STXBP5L: variants seen among roughly 807,000 people sequenced by gnomAD.
STXBP5L encodes syntaxin binding protein 5L, also known as syntaxin-binding protein 5-like.
Under a neutral mutation model 144.5 loss-of-function variants are expected in STXBP5L, and 65 were observed. That is an observed-to-expected ratio of 0.45 (90% CI 0.37 to 0.55). The LOEUF (loss-of-function observed/expected upper bound fraction) is 0.55, where lower values mean the gene tolerates loss of function less well. STXBP5L is among the 20% of genes least tolerant of loss of function. The pLI is 0.00. For missense variants in STXBP5L, 1,298 were observed against 1,405.5 expected, an observed-to-expected ratio of 0.92 and a Z score of 1.22; for synonymous variants, 505 against 469.6, an observed-to-expected ratio of 1.08 and a Z score of -0.97.
At position 121,313,776 on chromosome 3, in the gene STXBP5L, C is replaced by T. The variant is rs1343447081; in HGVS notation, c.2111-4699C>T. Among the ~76,000 whole-genome samples, 10 of 140,974 alleles carry T rather than the reference C, an allele frequency of 7.1e-5. No individual in the cohort carries two copies. The South Asian group carries it at 1.5e-3, about 21-fold the overall frequency. 92.5% of individuals were successfully genotyped at this position (140,974 alleles called of 152,430 possible). ...CCTCCCGGACGGGGTGGCTGCCGGG[C>T]GGAGACGCTCCTCACTTCCCAGATG... On this transcript the variant is annotated intron_variant, in intron 19 of 26. Transcript: ENST00000471454.
rs201335741 is a variant in STXBP5L at position 121,187,609 on chromosome 3, A to AG, written c.878-18314_878-18313insG. Among the ~76,000 whole-genome samples the AG allele has an allele frequency of 4.6e-5, 7 of 151,788 alleles. No homozygotes were observed. The East Asian group carries it at 1.4e-3, about 29-fold the overall frequency. On this transcript the variant is annotated intron_variant, in intron 9 of 26. Transcript: ENST00000471454. ...AAAGAACCATGAATGATAAAAAAAAAAGAAAAAAAATAAACTGCATCAACT... is the reference window on the plus strand; with the variant it reads ...AAAGAACCATGAATGATAAAAAAAAAGAGAAAAAAAATAAACTGCATCAACT...
intron 3 of STXBP5L, among the ~76,000 whole-genome samples, chr3:121,040,133 A>C (rs1439215645): frequency 6.6e-6 from 1 of 151,830 alleles, no homozygotes; most frequent in Non-Finnish European, 1.5e-5. Context: ...CCTTGTTACA[A>C]GTTATATTTT....
intron 2 of STXBP5L, among the ~76,000 whole-genome samples, chr3:120,927,231 A>G (rs1709687685): frequency 6.6e-6 from 1 of 152,156 alleles, no homozygotes; most frequent in Admixed American, 6.5e-5. Context: ...CACTACGCCC[A>G]GCCAATTTTT....
chr3:121,292,368 G>A (rs756844583), intron 19 of STXBP5L, among the ~76,000 whole-genome samples: 8 of 152,028 alleles, frequency 5.3e-5, no homozygotes, highest in Non-Finnish European at 8.8e-5. Context: ...AAGAATGGCC[G>A]TAATTTAAAA....
intron 3 of STXBP5L, among the ~76,000 whole-genome samples, chr3:120,958,300 T>A (rs1440595998): frequency 6.6e-6 from 1 of 151,842 alleles, no homozygotes; most frequent in East Asian, 1.9e-4. Context: ...CAGGACCAGA[T>A]GGATTCACAG....
chr3:121,415,904 A>G lies in STXBP5L; in HGVS notation c.3162A>G (p.Gln1054=). The part of the protein sequence containing the change: ...LFTPIETPEA[Q]NRGFLKGLFG... ...CTCCCATAGAGACACCAGAAGCTCA[A>G]AACAGAGGCTTTCTCAAGGGACTGT... Residue 1054 remains glutamine, a synonymous_variant, in exon 25 of 27, where the codon CAA becomes CAG. Transcript: ENST00000471454. 1 of 1,613,654 alleles carries G rather than the reference A, an allele frequency of 6.2e-7. No homozygotes were observed. The highest frequency in any genetic ancestry group is 8.5e-7 in the Non-Finnish European group (1 of 1,179,708).
intron 19 of STXBP5L, chr3:121,282,423 T>C (rs1260939716): frequency 6.9e-6 from 9 of 1,296,738 alleles, no homozygotes; most frequent in Non-Finnish European, 8.6e-6. Context: ...GTAATGTGTT[T>C]CTTAAAACAC....
At position 121,224,631 on chromosome 3, in the gene STXBP5L, T is replaced by C. The variant is rs1020199559; in HGVS notation, c.1111+1474T>C. ...CAGAGTATAAATAATGTATTAATTT[T>C]TAAGTTAAATAGTCGTGGTTTCATG... is the stretch of plus-strand genomic sequence containing the variant. On this transcript the variant is annotated intron_variant, in intron 11 of 26. Transcript: ENST00000471454. Among the ~76,000 whole-genome samples, 6 of 152,166 alleles carry C rather than the reference T, an allele frequency of 3.9e-5. No homozygotes were observed. In the East Asian group the frequency reaches 1.2e-3, roughly 29 times the overall value.
intron 5 of STXBP5L, among the ~76,000 whole-genome samples, chr3:121,104,369 T>A (rs1180087547): frequency 6.6e-6 from 1 of 152,074 alleles, no homozygotes; most frequent in Non-Finnish European, 1.5e-5. Flanking sequence ...AATACCATCA[T>A]CATTCTTCAC....
rs188122347 is a variant in STXBP5L at position 121,002,953 on chromosome 3, T to C, written c.288-38747T>C. 3.7e-3 allele frequency among the ~76,000 whole-genome samples: 563 copies of C among 152,308 alleles called. 12 individuals carry two copies. The highest frequency in any genetic ancestry group is 0.03 in the Admixed American group (466 of 15,286). The stretch of plus-strand genomic sequence containing the variant: ...GCAACATTTTCTTGATCCAGTCTAT[T>C]ATTGTTGGACATTTGGCTTGGTTCC... On this transcript the variant is annotated intron_variant, in intron 3 of 26. Transcript: ENST00000471454.
intron 3 of STXBP5L, among the ~76,000 whole-genome samples, chr3:120,956,889 G>A (rs1427999149): frequency 5.3e-5 from 8 of 151,862 alleles, no homozygotes; most frequent in African/African-American, 1.9e-4. Flanking sequence ...TCATATGTAA[G>A]AAATCTTTAC....
At chr3:121,211,460 C>G (rs368808793) in intron 10 of STXBP5L, among the ~76,000 whole-genome samples, 1 of 152,048 alleles carries the variant, frequency 6.6e-6, no homozygotes, top group African/African-American at 2.4e-5. Flanking sequence ...ACCTCCAACA[C>G]TATGTTGAAT....
chr3:120,981,588 T>C (rs544563470), intron 3 of STXBP5L, among the ~76,000 whole-genome samples: 1 of 152,324 alleles, frequency 6.6e-6, no homozygotes, highest in Non-Finnish European at 1.5e-5. Flanking sequence ...TCTGAATTGT[T>C]TTTTCTGATT....
At chr3:121,360,685 A>G (rs1447024051) in intron 20 of STXBP5L, among the ~76,000 whole-genome samples, 1 of 152,042 alleles carries the variant, frequency 6.6e-6, no homozygotes, top group Admixed American at 6.6e-5. Flanking sequence ...ATAAAAACTC[A>G]CCTTAAGTTT....
At chr3:121,200,649 G>C (rs1001029848) in intron 9 of STXBP5L, among the ~76,000 whole-genome samples, 4 of 152,014 alleles carry the variant, frequency 2.6e-5, no homozygotes, top group African/African-American at 7.2e-5. Flanking sequence ...CACTGATTTA[G>C]CTGTGTCCCA....
intron 22 of STXBP5L, among the ~76,000 whole-genome samples, chr3:121,397,567 A>C (rs1232172080): frequency 6.6e-6 from 1 of 152,166 alleles, no homozygotes; most frequent in Admixed American, 6.5e-5. Context: ...TGATATCCTA[A>C]TATTTGGTGG....
At chr3:121,180,908 GAGAAA>G (rs1221920460) in intron 9 of STXBP5L, among the ~76,000 whole-genome samples, 2 of 149,544 alleles carry the variant, frequency 1.3e-5, no homozygotes, top group Non-Finnish European at 3.0e-5. Flanking sequence ...GAGAAGAGAA[GAGAAA>G]AGAAAAGAAA....
intron 6 of STXBP5L, among the ~76,000 whole-genome samples, chr3:121,121,373 G>C (rs181356544): frequency 6.6e-6 from 1 of 151,114 alleles, no homozygotes; most frequent in Non-Finnish European, 1.5e-5. Flanking sequence ...GACAACAAAC[G>C]TTTCAAATAA....
intron 3 of STXBP5L, among the ~76,000 whole-genome samples, chr3:121,004,336 A>T (rs1009378597): frequency 3.3e-5 from 5 of 151,966 alleles, no homozygotes; most frequent in African/African-American, 1.2e-4. Context: ...TTCACTCATG[A>T]TTTGGCTCTC....
Sources: gnomAD v4.1 joint callset for allele counts (sites outside exome capture counted in the v4.1 genomes callset) on GRCh38, gnomAD v4.1.1 for gene constraint, MANE v1.5 for transcripts, NCBI Gene and HGNC (gene_info 2026-07-23, HGNC 2026-07-21) for gene names.